Variants in NFIB observed in about 807,000 individuals in gnomAD.
NFIB encodes the protein nuclear factor 1 B-type.
NFIB carries 11 observed loss-of-function variants against 61.5 expected under a neutral mutation model. The observed-to-expected ratio is 0.18, with a 90% CI of 0.11 to 0.30. The LOEUF is 0.30. Among genes scored for constraint, NFIB ranks in the 10% least tolerant of loss-of-function variants. NFIB has a pLI of 1.00. For missense variants in NFIB, 471 were observed against 608.9 expected (o/e 0.77, Z 2.38); for synonymous variants, 260 against 216.5 (o/e 1.20, Z -1.76).
chr9:14,314,154 G>C, upstream of NFIB: 1 of 998,166 alleles, frequency 1.0e-6, no homozygotes. Context: ...GCGGGTGGCG[G>C]GGCGCGCGCG....
chr9:14,391,299 G>C (rs957713532), intron 1 of NFIB, among the ~76,000 whole-genome samples: 1 of 151,770 alleles, frequency 6.6e-6, no homozygotes, highest in African/African-American at 2.4e-5. Flanking sequence ...GTTAGGGTAG[G>C]TAGTTAGGCA....
intron 3 of NFIB, among the ~76,000 whole-genome samples, chr9:14,160,745 G>A (rs2044068732): frequency 7.4e-6 from 1 of 134,726 alleles, no homozygotes. Flanking sequence ...TACAGATGAG[G>A]AAACTTTCAT....
chr9:14,124,745 TGTTG>T (rs1482090811), intron 7 of NFIB, among the ~76,000 whole-genome samples: 1 of 152,212 alleles, frequency 6.6e-6, no homozygotes, highest in African/African-American at 2.4e-5. Context: ...TGGTATTAGC[TGTTG>T]GTTAAAGTAC....
At chr9:14,498,457 T>A in the NFIB span, among the ~76,000 whole-genome samples, 1 of 152,182 alleles carries the variant, frequency 6.6e-6, no homozygotes. Flanking sequence ...AACACTTAGC[T>A]GCAGCTGAAA....
chr9:14,204,667 C>T, intron 2 of NFIB: 1 of 640,598 alleles, frequency 1.6e-6, no homozygotes, highest in South Asian at 1.8e-5. Flanking sequence ...CAGGAGTTAA[C>T]ACCATCACCA....
At chr9:14,236,493 C>A (rs1295196162) in intron 2 of NFIB, among the ~76,000 whole-genome samples, 1 of 152,158 alleles carries the variant, frequency 6.6e-6, no homozygotes, top group Admixed American at 6.6e-5. Context: ...GGAAATGATC[C>A]ATTTTCATGT....
chr9:14,231,217 GAGA>G (rs376560445), intron 2 of NFIB, among the ~76,000 whole-genome samples: 45 of 147,074 alleles, frequency 3.1e-4, no homozygotes, highest in African/African-American at 1.1e-3. Flanking sequence ...AGCATGCTGG[GAGA>G]ATTCACTGGG....
chr9:14,446,017 A>T, the NFIB span, among the ~76,000 whole-genome samples: 1 of 152,184 alleles, frequency 6.6e-6, no homozygotes, highest in Non-Finnish European at 1.5e-5. Context: ...TCCACTAGGC[A>T]TAGAATTCCA....
intron 1 of NFIB, among the ~76,000 whole-genome samples, chr9:14,352,559 C>T (rs576595671): frequency 1.3e-5 from 2 of 152,330 alleles, no homozygotes; most frequent in East Asian, 3.9e-4. Context: ...TGATGATCTT[C>T]TATGGTGGCT....
chr9:14,354,332 G>A (rs879803879), intron 1 of NFIB, among the ~76,000 whole-genome samples: 16 of 152,234 alleles, frequency 1.1e-4, no homozygotes, highest in Admixed American at 9.8e-4. Context: ...GAGTGAACAG[G>A]GCTTCAGTCT....
chr9:14,358,768 C>T (rs1468397157), intron 1 of NFIB, among the ~76,000 whole-genome samples: 1 of 152,110 alleles, frequency 6.6e-6, no homozygotes, highest in Non-Finnish European at 1.5e-5. Flanking sequence ...CTGTTGCAGC[C>T]AACTCATATC....
At chr9:14,102,627 G>T in intron 10 of NFIB, 1 of 637,808 alleles carries the variant, frequency 1.6e-6, no homozygotes, top group Non-Finnish European at 2.3e-6. Flanking sequence ...TTCCCAAGAG[G>T]CAACTTAAAG....
rs146752765 is a variant in NFIB, at chr9:14,296,174, T to C, written c.562+10815A>G. On this transcript the variant is annotated intron_variant, in intron 2 of 10. Transcript: ENST00000380953. ...GTCATTCCTTTTTTTCACTACTGGATAGTCTCCCTGGCAGTCTACATTATG... is the reference window on the plus strand; with the variant it reads ...GTCATTCCTTTTTTTCACTACTGGACAGTCTCCCTGGCAGTCTACATTATG... Among the ~76,000 whole-genome samples, 11 of 152,380 alleles carry C rather than the reference T, an allele frequency of 7.2e-5. No homozygotes were observed. In the East Asian group the frequency reaches 2.1e-3, roughly 29 times the overall value.
the NFIB span, among the ~76,000 whole-genome samples, chr9:14,418,203 TCCCTGCACCCCCA>T: frequency 2.0e-5 from 3 of 152,184 alleles, no homozygotes; most frequent in Non-Finnish European, 4.4e-5. Flanking sequence ...CATCTTCTCG[TCCCTGCACCCCCA>T]CCCTCAACCC....
intron 1 of NFIB, among the ~76,000 whole-genome samples, chr9:14,311,967 C>T (rs1475868437): frequency 6.6e-6 from 1 of 152,136 alleles, no homozygotes. Flanking sequence ...ATTCGTTATA[C>T]CTGAAACAGT....
chr9:14,500,667 A>G, the NFIB span, among the ~76,000 whole-genome samples: 4 of 152,242 alleles, frequency 2.6e-5, no homozygotes, highest in South Asian at 8.3e-4. Context: ...AAAAAATCCA[A>G]CTCAATAAGT....
At chr9:14,436,896 G>A in the NFIB span, among the ~76,000 whole-genome samples, 209 of 152,160 alleles carry the variant, frequency 1.4e-3, 1 homozygote, top group African/African-American at 4.5e-3. Context: ...AGACACAGAT[G>A]AATAGAGATA....
intron 3 of NFIB, among the ~76,000 whole-genome samples, chr9:14,164,651 T>A (rs770363357): frequency 1.3e-5 from 2 of 152,128 alleles, no homozygotes; most frequent in Non-Finnish European, 2.9e-5. Context: ...TACAACTTAT[T>A]GACTACAACT....
the NFIB span, among the ~76,000 whole-genome samples, chr9:14,446,440 G>A: frequency 6.6e-6 from 1 of 151,908 alleles, no homozygotes; most frequent in African/African-American, 2.4e-5. Flanking sequence ...CTATTGTTTT[G>A]TTATCTTATG....
Sources: gnomAD v4.1 joint callset for allele counts (sites outside exome capture counted in the v4.1 genomes callset) on GRCh38, gnomAD v4.1.1 for gene constraint, MANE v1.5 for transcripts, NCBI Gene and HGNC (gene_info 2026-07-23, HGNC 2026-07-21) for gene names.